MAK: variants seen among roughly 807,000 people sequenced by gnomAD.
The protein encoded by MAK is male germ cell associated kinase.
MAK carries 65 observed loss-of-function variants against 82.6 expected under a neutral mutation model. The ratio of observed to expected loss-of-function variants is 0.79; its 90% CI spans 0.64 to 0.97. MAK has a LOEUF of 0.97. MAK is among the 50% of genes least tolerant of loss of function. MAK has a pLI of 0.00. For synonymous variants in MAK, 250 were observed against 274.2 expected (o/e 0.91, Z 0.87); for missense variants, 703 against 780.2 (o/e 0.90, Z 1.18).
intron 11 of MAK, among the ~76,000 whole-genome samples, chr6:10,779,689 A>AT (rs537258053): frequency 1.3e-5 from 2 of 151,982 alleles, no homozygotes; most frequent in South Asian, 4.1e-4. Flanking sequence ...CTTTTTTTAA[A>AT]TTTTTTTATT....
At chr6:10,834,134 C>A (rs1332634285) in intron 1 of MAK, among the ~76,000 whole-genome samples, 1 of 152,178 alleles carries the variant, frequency 6.6e-6, no homozygotes, top group Non-Finnish European at 1.5e-5. Context: ...CAATTTATCA[C>A]CAGCATATTC....
intron 10 of MAK, among the ~76,000 whole-genome samples, chr6:10,787,299 T>A (rs993706948): frequency 5.9e-5 from 9 of 152,208 alleles, no homozygotes; most frequent in African/African-American, 2.2e-4. Context: ...AATTCACCAA[T>A]TCAGCTCCTA....
chr6:10,810,990 CTATTT>C (rs1437537955), intron 5 of MAK, among the ~76,000 whole-genome samples: 10 of 152,056 alleles, frequency 6.6e-5, no homozygotes, highest in East Asian at 5.8e-4. Context: ...TTGACAGCAA[CTATTT>C]TATTTTATTT....
At chr6:10,794,050 G>A (rs941018423) in intron 9 of MAK, among the ~76,000 whole-genome samples, 1 of 152,124 alleles carries the variant, frequency 6.6e-6, no homozygotes, top group Non-Finnish European at 1.5e-5. Context: ...GAGCCCTTAA[G>A]GGAATTGGAG....
rs1220351239 is a variant in MAK, at chr6:10,779,159, T to C, written c.1466-3700A>G. Among the ~76,000 whole-genome samples the C allele has an allele frequency of 4.6e-5, 6 of 129,382 alleles. No homozygotes were observed. In the Admixed American group the frequency reaches 4.7e-4, roughly 10 times the overall value. 84.9% of individuals were successfully genotyped at this position (129,382 alleles called of 152,430 possible). A position where few individuals can be genotyped will look rare whatever the true frequency, so the allele number is the denominator to read the frequency against. ...AAAAAAAAAAAAAAAAAAAAAGAAG[T>C]GCTATGGAGTGAGCTGCTCCGGCCA... On this transcript the variant is annotated intron_variant, in intron 11 of 14. Coordinates refer to ENST00000354489, the MANE Select transcript of MAK (RefSeq NM_001242957.3).
At chr6:10,832,291 T>C (rs908901110) in intron 1 of MAK, among the ~76,000 whole-genome samples, 6 of 152,334 alleles carry the variant, frequency 3.9e-5, no homozygotes, top group Middle Eastern at 3.4e-3. Context: ...ATTTAGAATA[T>C]TACATAAACT....
intron 11 of MAK, among the ~76,000 whole-genome samples, chr6:10,783,984 A>G (rs1016208085): frequency 3.5e-4 from 53 of 152,230 alleles, no homozygotes; most frequent in African/African-American, 1.2e-3. Flanking sequence ...ACGCCACTGC[A>G]CTCCAGCCTG....
intron 11 of MAK, among the ~76,000 whole-genome samples, chr6:10,777,574 T>TAAGG (rs112287025): frequency 4.0e-5 from 6 of 151,358 alleles, no homozygotes; most frequent in Non-Finnish European, 3.0e-5. Context: ...GGCTTTTTTT[T>TAAGG]TAAGTATTTT....
intron 4 of MAK, among the ~76,000 whole-genome samples, chr6:10,814,997 A>G (rs201870453): frequency 3.3e-5 from 5 of 151,808 alleles, no homozygotes; most frequent in African/African-American, 1.2e-4. Flanking sequence ...AGATTACACC[A>G]CTTCACTCCA....
chr6:10,804,376 CTT>C (rs1776245435), intron 6 of MAK, among the ~76,000 whole-genome samples: 1 of 152,106 alleles, frequency 6.6e-6, no homozygotes, highest in South Asian at 2.1e-4. Flanking sequence ...GAGTTTTGCT[CTT>C]GTTGCCCAGG....
At chr6:10,811,995 T>A (rs1581734000) in intron 5 of MAK, among the ~76,000 whole-genome samples, 2 of 150,676 alleles carry the variant, frequency 1.3e-5, no homozygotes, top group South Asian at 4.2e-4. Flanking sequence ...AGTCCAGGAG[T>A]TCAAGACCAG....
Position 10,770,141 on chromosome 6 carries a change from G to A in MAK, c.1762C>T (p.His588Tyr), listed in dbSNP as rs200319110. 21 of 1,614,022 alleles carry A rather than the reference G, an allele frequency of 1.3e-5. No individual in the cohort carries two copies. Among genetic ancestry groups the A allele is most frequent in the Non-Finnish European group, 1.7e-6 (2 of 1,180,018 alleles). Reference sequence around the variant, plus strand: ...GCCGTTGCATTGAGAGGTGCTAAGTGGATCCTCTGGCCAGCTGACTGCACT... The same window carrying A: ...GCCGTTGCATTGAGAGGTGCTAAGTAGATCCTCTGGCCAGCTGACTGCACT... ...KEVQSAGQRI[H>Y]LAPLNATASE... The change falls in exon 14 of 15, where the codon CAC (histidine) becomes TAC (tyrosine). Residue 588 changes from histidine to tyrosine, a missense_variant. His to Tyr is a moderately conservative substitution (Grantham distance 83). Coordinates refer to ENST00000354489, the MANE Select transcript of MAK (RefSeq NM_001242957.3).
chr6:10,796,017 A>T lies in MAK; in HGVS notation c.1124T>A (p.Ile375Asn). The change falls in exon 9 of 15, where the codon ATC (isoleucine) becomes AAC (asparagine). Residue 375 changes from isoleucine to asparagine, a missense_variant. Transcript: ENST00000354489. ...ACTCACAGTTGGCATGTTTTTGACG[A>T]TGCTCGGGAATAGCGTTTGTGGCGG... ...EKPPQTLFPS[I>N]VKNMPTKPNG... 6.2e-7 allele frequency: 1 copy of T among 1,613,904 alleles called. No individual in the cohort carries two copies. The highest frequency in any genetic ancestry group is 1.7e-5 in the Admixed American group (1 of 60,020).
chr6:10,795,807 A>C (rs1468946404), intron 9 of MAK, among the ~76,000 whole-genome samples, 191 bp downstream of exon 9: 1 of 152,200 alleles, frequency 6.6e-6, no homozygotes, highest in Non-Finnish European at 1.5e-5. Flanking sequence ...TTTTATCCTG[A>C]AAGTTTTTCT....
At position 10,830,552 on chromosome 6, in the gene MAK, T is replaced by G; in HGVS notation, c.97A>C (p.Lys33Gln). 1 of 1,613,604 alleles carries G rather than the reference T, an allele frequency of 6.2e-7. No individual in the cohort carries two copies. Among genetic ancestry groups the G allele is most frequent in the East Asian group, 2.2e-5 (1 of 44,882 alleles). Residue 33 changes from lysine to glutamine, a missense_variant, in exon 2 of 15, where the codon AAA (lysine) becomes CAA (glutamine). By Grantham distance (53) the Lys-to-Gln change is moderately conservative (BLOSUM62 1). Coordinates refer to ENST00000354489, the MANE Select transcript of MAK (RefSeq NM_001242957.3). ...SNESGELVAIKRMKRKFYSWD... is the reference protein window; with the variant it reads ...SNESGELVAIQRMKRKFYSWD... ...TGGCAGTGTCACACACAGTACCTTT[T>G]GATGGCCACCAGCTCCCCGGATTCA...
At chr6:10,806,994 C>A (rs1776518444) in intron 6 of MAK, among the ~76,000 whole-genome samples, 1 of 152,154 alleles carries the variant, frequency 6.6e-6, no homozygotes. Context: ...TCAGCCCCCA[C>A]ATCTGATTCA....
chr6:10,779,587 G>C, intron 11 of MAK: 1 of 506,330 alleles, frequency 2.0e-6, no homozygotes, highest in South Asian at 8.4e-5. Context: ...AGGGTAAAGA[G>C]GGGGCCCCAA....
intron 7 of MAK, chr6:10,802,304 TG>T (rs1410436084): frequency 4.7e-6 from 2 of 427,776 alleles, no homozygotes; most frequent in South Asian, 5.4e-5. Context: ...TTTTTTTGTT[TG>T]TTTTTTTGTG....
intron 7 of MAK, 30 bp from the exon 8 acceptor site, chr6:10,802,089 G>A: frequency 1.9e-6 from 3 of 1,600,616 alleles, no homozygotes; most frequent in East Asian, 2.2e-5. Flanking sequence ...GTGCAGGTGG[G>A]GAGGGCAAAA....
Sources: allele counts gnomAD v4.1 joint callset (sites outside exome capture counted in the v4.1 genomes callset), GRCh38; gene constraint gnomAD v4.1.1; transcripts MANE v1.5; gene names NCBI Gene and HGNC (gene_info 2026-07-23, HGNC 2026-07-21).